Variants in CFAP47 observed in about 807,000 individuals in gnomAD.
The protein encoded by CFAP47 is cilia and flagella associated protein 47.
In CFAP47, 29 loss-of-function variants were observed where a neutral mutation model predicts 148.1. The ratio of observed to expected loss-of-function variants is 0.20; its 90% CI spans 0.15 to 0.27. The LOEUF is 0.27. CFAP47 is among the 10% of genes least tolerant of loss of function. The pLI, the probability that CFAP47 is intolerant of heterozygous loss-of-function variation, is 1.00. For synonymous variants in CFAP47, 664 were observed against 577.3 expected (o/e 1.15, Z -2.15); for missense variants, 1,872 against 1,697.5 (o/e 1.10, Z -1.81).
intron 45 of CFAP47, among the ~76,000 whole-genome samples, chrX:36,216,571 G>T (rs942341543): frequency 2.7e-5 from 3 of 112,201 alleles, no homozygotes; most frequent in Admixed American, 1.9e-4. Context: ...TTTAATTTAT[G>T]CAGAGCTGGC....
chrX:36,003,476 G>C lies in CFAP47; in HGVS notation c.3417+1769G>C, dbSNP rs1331679838. On this transcript the variant is annotated intron_variant, in intron 21 of 63. Coordinates refer to ENST00000378653, the MANE Select transcript of CFAP47 (RefSeq NM_001304548.2). ...GGCTTCTTAGAATGAATTATAGAGT[G>C]GTGTCTCCACTTCTATTTTGGCAGA... Among the ~76,000 whole-genome samples, 9 of 107,215 alleles carry C rather than the reference G, an allele frequency of 8.4e-5. No homozygotes were observed. The Admixed American group carries it at 9.0e-4, about 11-fold the overall frequency. The allele number at this position is 107,215 out of a possible 115,157, so 93.1% of individuals were successfully genotyped here. A position where few individuals can be genotyped will look rare whatever the true frequency, so the allele number is the denominator to read the frequency against.
chrX:36,239,068 T>C (rs1464762704), intron 48 of CFAP47, among the ~76,000 whole-genome samples: 1 of 112,284 alleles, frequency 8.9e-6, no homozygotes, highest in Non-Finnish European at 1.9e-5. Context: ...GGTTGAGACC[T>C]CTTTAACATG....
chrX:36,141,101 G>A (rs1266084849), intron 35 of CFAP47, among the ~76,000 whole-genome samples: 1 of 104,597 alleles, frequency 9.6e-6, no homozygotes, highest in Non-Finnish European at 1.9e-5. Context: ...GTTCTCTAGA[G>A]ACACAGAAAC....
chrX:36,207,686 G>A (rs1602047351), intron 45 of CFAP47, among the ~76,000 whole-genome samples: 1 of 111,241 alleles, frequency 9.0e-6, no homozygotes, highest in East Asian at 2.8e-4. Context: ...CCCGCAAATT[G>A]TGACAACCTC....
chrX:36,240,564 A>G (rs1028127058), intron 48 of CFAP47, among the ~76,000 whole-genome samples: 7 of 111,609 alleles, frequency 6.3e-5, no homozygotes, highest in African/African-American at 2.3e-4. Flanking sequence ...ATATGAGTCA[A>G]TACAGATTGT....
rs1556021549 is a variant in CFAP47, at chrX:36,371,695, CACACATGTGTATATAT to C, written c.9185+4569_9185+4584del. ...ACATGTGTATATATGTGTGTATATA[CACACATGTGTATATAT>C]GTGTGTATATACACACATGTGTGTA... On this transcript the variant is annotated intron_variant, in intron 62 of 63. Transcript: ENST00000378653. Among the ~76,000 whole-genome samples, 524 of 62,421 alleles carry C rather than the reference CACACATGTGTATATAT, an allele frequency of 8.4e-3. 64 individuals carry two copies. Among genetic ancestry groups the C allele is most frequent in the African/African-American group, 0.032 (453 of 14,061 alleles). 54.2% of individuals were successfully genotyped at this position (62,421 alleles called of 115,157 possible).
Position 36,000,349 on chromosome X carries a change from A to G in CFAP47, c.3244A>G (p.Lys1082Glu), listed in dbSNP as rs1488148823. The G allele has an allele frequency of 3.4e-6, 1 of 294,692 alleles. No homozygotes were observed. The highest frequency in any genetic ancestry group is 5.9e-6 in the Non-Finnish European group (1 of 169,253). The allele number at this position is 294,692 out of a possible 1,213,427, so 24.3% of individuals were successfully genotyped here. A position where few individuals can be genotyped will look rare whatever the true frequency, so the allele number is the denominator to read the frequency against. ...GATTATTCCATTTGTAATAAAAAAC[A>G]AAGGTATAACACGTGCCAGAGTGGA... ...TQIIPFVIKN[K>E]GITRARVEFN... The change falls in exon 20 of 64, where the codon AAA becomes GAA. Residue 1082 changes from lysine to glutamate, a missense_variant. Transcript: ENST00000378653.
At chrX:36,063,766 C>T (rs1937613453) in intron 26 of CFAP47, among the ~76,000 whole-genome samples, 1 of 111,407 alleles carries the variant, frequency 9.0e-6, no homozygotes, top group Non-Finnish European at 1.9e-5. Flanking sequence ...AAATGTTCCC[C>T]CCACAAAAAA....
rs1284767241 is a variant in CFAP47 at position 35,955,989 on chromosome X, A to C, written c.1203A>C (p.Ala401=). The C allele has an allele frequency of 2.5e-6, 3 of 1,211,919 alleles. No homozygotes were observed. The Admixed American group carries it at 6.5e-5, about 26-fold the overall frequency. ...KSERFQKVEL[A]LTGTGLPVLL... Reference sequence around the variant, plus strand: ...AACGATTTCAGAAAGTGGAATTAGCACTGACAGGCACAGGACTTCCTGTTT... The same window carrying C: ...AACGATTTCAGAAAGTGGAATTAGCCCTGACAGGCACAGGACTTCCTGTTT... The change falls in exon 8 of 64, where the codon GCA becomes GCC. Residue 401 remains alanine, a synonymous_variant. Transcript: ENST00000378653.
intron 1 of CFAP47, among the ~76,000 whole-genome samples, chrX:35,923,720 T>C (rs1935614796): frequency 1.8e-5 from 2 of 108,654 alleles, no homozygotes; most frequent in Admixed American, 1.0e-4. Context: ...CTCAGGAGGC[T>C]GAGGCAGGAG....
At chrX:36,020,356 T>C (rs1188798800) in intron 22 of CFAP47, among the ~76,000 whole-genome samples, 2 of 112,128 alleles carry the variant, frequency 1.8e-5, no homozygotes, top group African/African-American at 6.5e-5. Context: ...ATCCTTTTGG[T>C]CTATAGTGTA....
In CFAP47 at chrX:36,306,842, A is replaced by G; in HGVS notation, c.8153A>G (p.Asp2718Gly). 8.7e-7 allele frequency: 1 copy of G among 1,154,438 alleles called. No individual in the cohort carries two copies. Residue 2718 changes from aspartate to glycine, a missense_variant, in exon 55 of 64, where the codon GAT becomes GGT. Coordinates refer to ENST00000378653, the MANE Select transcript of CFAP47 (RefSeq NM_001304548.2). ...TATCCTTCTGCACTTGGAAGAGCTG[A>G]TCATCAAGCTTGCATCAACTTCTAC... The part of the protein sequence containing the change: ...LFYPSALGRA[D>G]HQACINFYCT...
chrX:36,136,734 A>G (rs193248051), intron 33 of CFAP47, among the ~76,000 whole-genome samples: 88 of 111,591 alleles, frequency 7.9e-4, no homozygotes, highest in African/African-American at 2.6e-3. Context: ...TTATTTGCCA[A>G]TTATACATCA....
chrX:36,070,239 G>A (rs1220089526), intron 27 of CFAP47, among the ~76,000 whole-genome samples: 2 of 111,558 alleles, frequency 1.8e-5, no homozygotes, highest in African/African-American at 6.5e-5. Flanking sequence ...CAGAAACTTT[G>A]GTCTCATTTT....
Position 35,919,735 on chromosome X carries a change from G to T in CFAP47, c.-65G>T. ...GGCGTCTGATGGTTGCCTAGCGACG[G>T]TCGTCGACGCTAATCCTTGGCCGGA... On this transcript the variant is annotated 5_prime_UTR_variant, in exon 1 of 64. Coordinates refer to ENST00000378653, the MANE Select transcript of CFAP47 (RefSeq NM_001304548.2). 4.4e-6 allele frequency: 5 copies of T among 1,127,928 alleles called. No individual in the cohort carries two copies. Among genetic ancestry groups the T allele is most frequent in the Non-Finnish European group, 5.9e-6 (5 of 846,359 alleles). 93.0% of individuals were successfully genotyped at this position (1,127,928 alleles called of 1,213,427 possible).
chrX:36,154,859 C>G (rs1312963017), intron 37 of CFAP47, among the ~76,000 whole-genome samples: 1 of 109,630 alleles, frequency 9.1e-6, no homozygotes, highest in African/African-American at 3.3e-5. Context: ...TACCCAGTTC[C>G]AAAGCCACTT....
At chrX:36,382,559 T>C (rs17320052) in intron 63 of CFAP47, among the ~76,000 whole-genome samples, 10,551 of 111,236 alleles carry the variant, frequency 0.095, 387 homozygotes, top group East Asian at 0.23. Flanking sequence ...CAGACCACAT[T>C]TGCTAATGGA....
intron 10 of CFAP47, among the ~76,000 whole-genome samples, chrX:35,970,479 T>C (rs1936472882): frequency 9.0e-6 from 1 of 111,534 alleles, no homozygotes; most frequent in African/African-American, 3.3e-5. Flanking sequence ...GTGTCCAAAT[T>C]GCCTAACTGA....
intron 45 of CFAP47, among the ~76,000 whole-genome samples, chrX:36,205,957 A>T (rs1039519962): frequency 7.2e-5 from 8 of 111,546 alleles, no homozygotes; most frequent in African/African-American, 2.3e-4. Context: ...TGAAAGGGTG[A>T]TTACAACTTA....
Sources: allele counts gnomAD v4.1 joint callset (sites outside exome capture counted in the v4.1 genomes callset), GRCh38; gene constraint gnomAD v4.1.1; transcripts MANE v1.5; gene names NCBI Gene and HGNC (gene_info 2026-07-23, HGNC 2026-07-21).